VSTM2B: variants seen among roughly 807,000 people sequenced by gnomAD.
VSTM2B encodes the protein V-set and transmembrane domain-containing protein 2B.
In VSTM2B, 24 loss-of-function variants were observed where a neutral mutation model predicts 24.0. That is an observed-to-expected ratio of 1.00 (90% CI 0.72 to 1.40). The LOEUF (loss-of-function observed/expected upper bound fraction) is 1.40. VSTM2B is among the 40% of genes most tolerant of loss of function. The pLI is 0.00. For synonymous variants in VSTM2B, 226 were observed against 194.4 expected (o/e 1.16, Z -1.35); for missense variants, 399 against 416.4 (o/e 0.96, Z 0.36).
intron 4 of VSTM2B, among the ~76,000 whole-genome samples, chr19:29,536,985 C>T (rs1431207401): frequency 6.6e-6 from 1 of 152,198 alleles, no homozygotes; most frequent in Non-Finnish European, 1.5e-5. Flanking sequence ...GGTTTTAAGA[C>T]ATTTTTGCAG....
chr19:29,537,458 G>A (rs927520957), intron 4 of VSTM2B, among the ~76,000 whole-genome samples: 8 of 152,110 alleles, frequency 5.3e-5, no homozygotes, highest in South Asian at 4.1e-4. Flanking sequence ...TCCACAGGAC[G>A]GCCCTTGAGA....
intron 3 of VSTM2B, 91 bp downstream of exon 3, chr19:29,528,553 C>T (rs1969643592): frequency 1.1e-5 from 17 of 1,482,376 alleles, no homozygotes; most frequent in Non-Finnish European, 1.5e-5. Flanking sequence ...GCGGCGGCCG[C>T]GCATGTGGGG....
intron 4 of VSTM2B, among the ~76,000 whole-genome samples, chr19:29,557,624 G>A (rs1171281480): frequency 1.5e-4 from 23 of 151,920 alleles, no homozygotes; most frequent in African/African-American, 4.6e-4. Context: ...GCTTGAACCC[G>A]GGAGGTGGAG....
intron 4 of VSTM2B, among the ~76,000 whole-genome samples, chr19:29,562,992 A>G (rs1172192391): frequency 6.6e-6 from 1 of 152,130 alleles, no homozygotes. Context: ...TCAGCTCCAC[A>G]CTGCAACCCA....
At chr19:29,553,086 A>G (rs528988251) in intron 4 of VSTM2B, among the ~76,000 whole-genome samples, 1 of 152,226 alleles carries the variant, frequency 6.6e-6, no homozygotes, top group East Asian at 1.9e-4. Context: ...CCCCCCCAGC[A>G]TAGCACACCC....
In VSTM2B at chr19:29,526,568, G is replaced by C. The variant is rs1277331079; in HGVS notation, c.-16G>C. On this transcript the variant is annotated 5_prime_UTR_variant, in exon 1 of 5. Coordinates refer to ENST00000335523, the MANE Select transcript of VSTM2B (RefSeq NM_001146339.2). The surrounding 1 kb of genome is among the most constrained non-coding windows in gnomAD (Gnocchi z 4.1). The stretch of plus-strand genomic sequence containing the variant: ...CCGCTCCCGGGCCCCCGCCGCCACC[G>C]CGCCCCCCGCGGGAGATGGAACAGC... The C allele has an allele frequency of 1.3e-6, 2 of 1,500,502 alleles. No individual in the cohort carries two copies. The highest frequency in any genetic ancestry group is 2.5e-5 in the South Asian group (2 of 80,402). The allele number at this position is 1,500,502 out of a possible 1,614,324, so 92.9% of individuals were successfully genotyped here.
At chr19:29,553,506 A>G (rs1970333502) in intron 4 of VSTM2B, among the ~76,000 whole-genome samples, 1 of 152,268 alleles carries the variant, frequency 6.6e-6, no homozygotes, top group Non-Finnish European at 1.5e-5. Context: ...ATGAGAATCA[A>G]TGAAAGAACA....
At chr19:29,553,650 A>G (rs1048748796) in intron 4 of VSTM2B, among the ~76,000 whole-genome samples, 2 of 152,180 alleles carry the variant, frequency 1.3e-5, no homozygotes, top group Non-Finnish European at 2.9e-5. Context: ...GGATAATAAC[A>G]AACTTTGCTG....
intron 4 of VSTM2B, among the ~76,000 whole-genome samples, chr19:29,541,944 T>C (rs1057303958): frequency 5.1e-4 from 77 of 150,834 alleles, no homozygotes; most frequent in Non-Finnish European, 7.4e-4. Context: ...AATGAATGGA[T>C]GGATTCAAGG....
chr19:29,547,730 C>T (rs1419116172), intron 4 of VSTM2B, among the ~76,000 whole-genome samples: 1 of 152,116 alleles, frequency 6.6e-6, no homozygotes, highest in Non-Finnish European at 1.5e-5. Context: ...ACATTTGTGC[C>T]AAGCCCTCTG....
intron 4 of VSTM2B, among the ~76,000 whole-genome samples, chr19:29,547,244 T>C (rs1599894842): frequency 6.6e-6 from 1 of 152,220 alleles, no homozygotes; most frequent in Non-Finnish European, 1.5e-5. Context: ...TTTCTGCAAT[T>C]CAGATTCAAT....
At chr19:29,534,047 A>G (rs562405676) in intron 4 of VSTM2B, among the ~76,000 whole-genome samples, 1 of 152,352 alleles carries the variant, frequency 6.6e-6, no homozygotes, top group African/African-American at 2.4e-5. Flanking sequence ...AGGCACATGG[A>G]ACATTCAAAC....
At chr19:29,534,537 A>G (rs570545104) in intron 4 of VSTM2B, among the ~76,000 whole-genome samples, 88 of 152,278 alleles carry the variant, frequency 5.8e-4, no homozygotes, top group African/African-American at 2.0e-3. Flanking sequence ...CAACATGATG[A>G]GATCCTGTCT....
chr19:29,564,100 C>A lies in VSTM2B; in HGVS notation c.*166C>A. ...TTGGGAAAGTTACACAAATGTAGAA[C>A]ACCTAAAATAATGCATCTAGTTTCC... On this transcript the variant is annotated 3_prime_UTR_variant, in exon 5 of 5. Transcript: ENST00000335523. The A allele has an allele frequency of 1.7e-6, 1 of 600,748 alleles. No homozygotes were observed. Among genetic ancestry groups the A allele is most frequent in the Non-Finnish European group, 2.9e-6 (1 of 343,596 alleles). The allele number at this position is 600,748 out of a possible 1,614,324, so 37.2% of individuals were successfully genotyped here.
chr19:29,527,380 G>T lies in VSTM2B; in HGVS notation c.252G>T (p.Pro84=). The change falls in exon 2 of 5, where the codon CCG becomes CCT. Residue 84 remains proline, a synonymous_variant. Coordinates refer to ENST00000335523, the MANE Select transcript of VSTM2B (RefSeq NM_001146339.2). ...TGCACGAGCTGGCGCTCAGCGTGCC[G>T]GGCGCCCGGAGCAAGGTAACCCGCC... ...ELLHELALSV[P]GARSKVTNKD... is the part of the protein sequence containing the mutation. 6.5e-7 allele frequency: 1 copy of T among 1,539,362 alleles called. No individual in the cohort carries two copies. The highest frequency in any genetic ancestry group is 8.7e-7 in the Non-Finnish European group (1 of 1,143,800).
intron 4 of VSTM2B, among the ~76,000 whole-genome samples, chr19:29,562,017 G>A (rs892201321): frequency 6.6e-6 from 1 of 152,198 alleles, no homozygotes; most frequent in Non-Finnish European, 1.5e-5. Flanking sequence ...GAGTTTTGCT[G>A]TCCTAACGCT....
At chr19:29,556,903 A>T (rs968121424) in intron 4 of VSTM2B, among the ~76,000 whole-genome samples, 5 of 152,248 alleles carry the variant, frequency 3.3e-5, no homozygotes, top group African/African-American at 1.2e-4. Context: ...AAATGGAAAA[A>T]CATTCCATGC....
chr19:29,540,202 GT>G (rs1372644962), intron 4 of VSTM2B, among the ~76,000 whole-genome samples: 2 of 152,248 alleles, frequency 1.3e-5, no homozygotes, highest in Admixed American at 1.3e-4. Context: ...CTGGTCTGCT[GT>G]ATCTGGTCTG....
Position 29,544,525 on chromosome 19 carries a change from C to CAAAAAA in VSTM2B, c.769+14261_769+14266dup, listed in dbSNP as rs58540469. On this transcript the variant is annotated intron_variant, in intron 4 of 4. Transcript: ENST00000335523. ...TGGGCGAAAGAGCGAGACTCTGTCT[C>CAAAAAA]AAAAAAAAAAAAAAAAAAAAAAAAA... 5.0e-4 allele frequency among the ~76,000 whole-genome samples: 27 copies of CAAAAAA among 54,358 alleles called. 1 individual carries two copies. Among genetic ancestry groups the CAAAAAA allele is most frequent in the African/African-American group, 8.5e-4 (11 of 12,992 alleles). The allele number at this position is 54,358 out of a possible 152,430, so 35.7% of individuals were successfully genotyped here.
Sources: gnomAD v4.1 joint callset for allele counts (sites outside exome capture counted in the v4.1 genomes callset) on GRCh38, gnomAD v4.1.1 for gene constraint, Gnocchi (gnomAD v3.1) non-coding constraint, MANE v1.5 for transcripts, NCBI Gene and HGNC (gene_info 2026-07-23, HGNC 2026-07-21) for gene names.